EIF4E: variants seen among roughly 807,000 people sequenced by gnomAD.
EIF4E encodes the protein eIF-4F 25 kDa subunit.
For synonymous variants in EIF4E, 71 were observed against 88.5 expected, an observed-to-expected ratio of 0.80 and a Z score of 1.11; for missense variants, 113 against 265.6, an observed-to-expected ratio of 0.43 and a Z score of 3.99.
intron 1 of EIF4E, among the ~76,000 whole-genome samples, chr4:98,913,950 TA>T (rs1358042821): frequency 1.3e-5 from 2 of 151,548 alleles, no homozygotes; most frequent in Admixed American, 1.3e-4. Flanking sequence ...AGGTAACAGA[TA>T]AACAAACCAC....
At chr4:98,888,903 G>A (rs1162533295) in intron 3 of EIF4E, among the ~76,000 whole-genome samples, 2 of 152,156 alleles carry the variant, frequency 1.3e-5, no homozygotes, top group Non-Finnish European at 2.9e-5. Flanking sequence ...GCTCACGCCT[G>A]TAATCCCAGC....
At chr4:98,927,528 C>T (rs79330830) in intron 1 of EIF4E, among the ~76,000 whole-genome samples, 11,418 of 151,552 alleles carry the variant, frequency 0.075, 1,038 homozygotes, top group East Asian at 0.49. Flanking sequence ...CGGTTGTGCG[C>T]ACCTGTAATC....
At chr4:98,921,124 C>T (rs1287501720) in intron 1 of EIF4E, among the ~76,000 whole-genome samples, 1 of 152,126 alleles carries the variant, frequency 6.6e-6, no homozygotes, top group African/African-American at 2.4e-5. Context: ...AACTATGTGA[C>T]CGTGGTAGAA....
chr4:98,925,840 C>T (rs1158582994), intron 1 of EIF4E: 2 of 151,874 alleles, frequency 1.3e-5, no homozygotes, highest in African/African-American at 4.8e-5. Flanking sequence ...AGGGGTATCT[C>T]AAGTACAATC....
chr4:98,891,196 C>A (rs1222460857), intron 3 of EIF4E, 41 bp downstream of exon 3: 1 of 1,599,554 alleles, frequency 6.3e-7, no homozygotes, highest in African/African-American at 1.3e-5. Context: ...AACTACACAA[C>A]GAATAAAACA....
At chr4:98,900,149 A>C (rs1401756546) in intron 2 of EIF4E, among the ~76,000 whole-genome samples, 1 of 151,984 alleles carries the variant, frequency 6.6e-6, no homozygotes, top group Non-Finnish European at 1.5e-5. Context: ...AGTTTGTTTC[A>C]TATCACTGAA....
At chr4:98,922,123 C>T (rs1490711906) in intron 1 of EIF4E, among the ~76,000 whole-genome samples, 1 of 152,160 alleles carries the variant, frequency 6.6e-6, no homozygotes, top group Non-Finnish European at 1.5e-5. Context: ...ACATTACATG[C>T]CTACTTGAAA....
intron 6 of EIF4E, among the ~76,000 whole-genome samples, chr4:98,882,658 T>G (rs1723747756): frequency 1.3e-5 from 2 of 151,954 alleles, no homozygotes; most frequent in South Asian, 4.1e-4. Flanking sequence ...TCCTTTCAAT[T>G]ATACTTAATT....
Position 98,881,104 on chromosome 4 carries a change from A to G in EIF4E, c.578T>C (p.Ile193Thr). The G allele has an allele frequency of 6.2e-7, 1 of 1,613,138 alleles. No homozygotes were observed. Among genetic ancestry groups the G allele is most frequent in the Non-Finnish European group, 8.5e-7 (1 of 1,179,500 alleles). Residue 193 changes from isoleucine to threonine, a missense_variant, in exon 7 of 7, where the codon ATA becomes ACA. Transcript: ENST00000450253. ...YKERLGLPPK[I>T]VIGYQSHADT... ...TGCGTGGGACTGATAACCAATCACT[A>G]TCTTTGGAGGAAGTCCTAACCTTTC...
chr4:98,925,467 T>C (rs1051554684), intron 1 of EIF4E, among the ~76,000 whole-genome samples: 2 of 152,208 alleles, frequency 1.3e-5, no homozygotes, highest in African/African-American at 4.8e-5. Context: ...CAAATGCCGA[T>C]AGAATAACAT....
At chr4:98,884,309 C>A (rs2110176092) in intron 6 of EIF4E, among the ~76,000 whole-genome samples, 1 of 152,234 alleles carries the variant, frequency 6.6e-6, no homozygotes, top group Middle Eastern at 3.4e-3. Context: ...ATAATACATT[C>A]TCATTTGTGA....
chr4:98,895,251 C>A (rs943851715), intron 2 of EIF4E: 2 of 152,206 alleles, frequency 1.3e-5, no homozygotes, highest in African/African-American at 2.4e-5. Context: ...AACTGCTTGA[C>A]ACAGGATTTC....
chr4:98,917,324 C>T (rs770977019), intron 1 of EIF4E, among the ~76,000 whole-genome samples: 11 of 151,960 alleles, frequency 7.2e-5, no homozygotes, highest in Non-Finnish European at 1.0e-4. Context: ...TCCCAAAGAC[C>T]ACTCTCTTAC....
intron 2 of EIF4E, 126 bp from the exon 3 acceptor site, chr4:98,891,458 A>G: frequency 5.3e-6 from 4 of 758,596 alleles, no homozygotes; most frequent in Non-Finnish European, 9.0e-6. Context: ...AAAAATGTAT[A>G]TATACACACA....
intron 1 of EIF4E, among the ~76,000 whole-genome samples, chr4:98,921,348 T>C (rs1725639308): frequency 6.6e-6 from 1 of 152,104 alleles, no homozygotes; most frequent in South Asian, 2.1e-4. Flanking sequence ...GACATATATA[T>C]GTAGACATAT....
chr4:98,901,048 C>A (rs958840012), intron 2 of EIF4E, among the ~76,000 whole-genome samples: 1 of 152,202 alleles, frequency 6.6e-6, no homozygotes, highest in South Asian at 2.1e-4. Context: ...TACTAAAAAA[C>A]TTTTTCCCAA....
At chr4:98,917,393 T>A (rs1410237518) in intron 1 of EIF4E, among the ~76,000 whole-genome samples, 1 of 152,000 alleles carries the variant, frequency 6.6e-6, no homozygotes, top group Non-Finnish European at 1.5e-5. Flanking sequence ...ATAAATCCTA[T>A]GTTTCCCAGG....
intron 1 of EIF4E, among the ~76,000 whole-genome samples, chr4:98,907,146 T>A (rs1008374423): frequency 1.3e-5 from 2 of 152,194 alleles, no homozygotes; most frequent in Admixed American, 6.5e-5. Flanking sequence ...AAAAATTTTT[T>A]AAATTATATT....
intron 6 of EIF4E, among the ~76,000 whole-genome samples, chr4:98,883,935 T>A (rs1169350000): frequency 6.7e-6 from 1 of 150,004 alleles, no homozygotes; most frequent in African/African-American, 2.5e-5. Flanking sequence ...GCTAATTGGG[T>A]GGCTGAGGTA....
Sources: allele counts gnomAD v4.1 joint callset (sites outside exome capture counted in the v4.1 genomes callset), GRCh38; gene constraint gnomAD v4.1.1; transcripts MANE v1.5; gene names NCBI Gene and HGNC (gene_info 2026-07-23, HGNC 2026-07-21).